The following LRP1B variants were observed in gnomAD, a reference collection of about 807,000 sequenced individuals.
LRP1B encodes the protein LDL receptor related protein 1B, also known as low-density lipoprotein receptor-related protein 1B.
In LRP1B, 217 loss-of-function variants were observed where a neutral mutation model predicts 556.6. The observed-to-expected ratio is 0.39, with a 90% confidence interval of 0.35 to 0.44. The LOEUF (loss-of-function observed/expected upper bound fraction) is 0.44, where lower values mean the gene tolerates loss of function less well. Among genes scored for constraint, LRP1B ranks in the 20% least tolerant of loss-of-function variants. The pLI is 1.00. For missense variants in LRP1B, 5,053 were observed against 5,620.8 expected (o/e 0.90, Z 3.23); for synonymous variants, 2,047 against 1,865.8 (o/e 1.10, Z -2.50).
At chr2:141,468,336 C>G (rs1216194369) in intron 3 of LRP1B, among the ~76,000 whole-genome samples, 1 of 152,064 alleles carries the variant, frequency 6.6e-6, no homozygotes, top group Non-Finnish European at 1.5e-5. Context: ...AAAATGGGAA[C>G]AAATGAAACA....
rs1163213986 is a variant in LRP1B at position 141,467,852 on chromosome 2, A to AGGGGT, written c.343+12543_343+12544insACCCC. ...TTGTTTGCGGACCGGGGGGGGGGGAATTCCAGCATACAGTGTAGCACATAC... is the reference window on the plus strand; with the variant it reads ...TTGTTTGCGGACCGGGGGGGGGGGAAGGGGTTTCCAGCATACAGTGTAGCACATAC... On this transcript the variant is annotated intron_variant, in intron 3 of 90. Transcript: ENST00000389484. Among the ~76,000 whole-genome samples, 55 of 133,306 alleles carry AGGGGT rather than the reference A, an allele frequency of 4.1e-4. 1 individual carries two copies. The highest frequency in any genetic ancestry group is 2.6e-3 in the South Asian group (8 of 3,036). 87.5% of individuals were successfully genotyped at this position (133,306 alleles called of 152,430 possible).
chr2:140,670,321 A>C (rs1685433224), intron 41 of LRP1B, among the ~76,000 whole-genome samples: 1 of 152,192 alleles, frequency 6.6e-6, no homozygotes, highest in Admixed American at 6.5e-5. Flanking sequence ...AAAGTTGGAA[A>C]AGATATTGAC....
chr2:141,471,574 T>C (rs146339340), intron 3 of LRP1B, among the ~76,000 whole-genome samples: 1,842 of 152,270 alleles, frequency 0.012, 19 homozygotes, highest in Non-Finnish European at 0.02. Flanking sequence ...GTGAGATGCC[T>C]GTCAACCATC....
At chr2:140,314,864 T>G in intron 83 of LRP1B, 71 bp downstream of exon 83, 1 of 1,099,542 alleles carries the variant, frequency 9.1e-7, no homozygotes. Context: ...ATTTGTAACA[T>G]TAAGCATTTT....
chr2:141,980,299 C>T (rs919939007), intron 1 of LRP1B, among the ~76,000 whole-genome samples: 4 of 152,010 alleles, frequency 2.6e-5, no homozygotes, highest in Non-Finnish European at 5.9e-5. Context: ...TGATAGAGGG[C>T]CACCAACCTT....
chr2:141,607,528 G>T (rs10196829), intron 2 of LRP1B, among the ~76,000 whole-genome samples: 4,345 of 152,230 alleles, frequency 0.029, 96 homozygotes, highest in South Asian at 0.068. Context: ...TTCACTGTAA[G>T]TTGGCTCTCC....
intron 2 of LRP1B, among the ~76,000 whole-genome samples, chr2:141,527,142 T>C (rs1036800981): frequency 2.0e-5 from 3 of 152,120 alleles, no homozygotes; most frequent in African/African-American, 7.2e-5. Context: ...ATTATTTTAT[T>C]TAGTTTTTAG....
At chr2:141,829,106 T>A (rs1697027361) in intron 1 of LRP1B, among the ~76,000 whole-genome samples, 1 of 152,086 alleles carries the variant, frequency 6.6e-6, no homozygotes, top group East Asian at 1.9e-4. Flanking sequence ...GTTAGCTATT[T>A]ATATTATTAC....
intron 2 of LRP1B, among the ~76,000 whole-genome samples, chr2:141,623,206 C>T (rs1365240843): frequency 6.6e-6 from 1 of 152,172 alleles, no homozygotes; most frequent in African/African-American, 2.4e-5. Context: ...AGAAAACATT[C>T]ATGTTAACTC....
At chr2:142,012,930 G>T (rs1703000826) in intron 1 of LRP1B, among the ~76,000 whole-genome samples, 1 of 152,200 alleles carries the variant, frequency 6.6e-6, no homozygotes, top group African/African-American at 2.4e-5. Context: ...TAAGTTTGGG[G>T]AGTATTATAT....
At chr2:141,380,862 G>T (rs1689614107) in intron 3 of LRP1B, among the ~76,000 whole-genome samples, 1 of 152,112 alleles carries the variant, frequency 6.6e-6, no homozygotes, top group African/African-American at 2.4e-5. Flanking sequence ...AAGTAAGATT[G>T]CAGATGGTGG....
At chr2:141,679,754 C>T (rs1691037852) in intron 2 of LRP1B, among the ~76,000 whole-genome samples, 1 of 151,852 alleles carries the variant, frequency 6.6e-6, no homozygotes, top group African/African-American at 2.4e-5. Context: ...CTAATGGTAA[C>T]ATAAGCAAAG....
Position 140,715,961 on chromosome 2 carries a change from T to C in LRP1B, c.6023+12A>G. ...ATAAAACTTGGAAGATATACGTAAA[T>C]CTTAAAATTACCCTTTCTCTGGGTG... On this transcript the variant is annotated intron_variant, in intron 37 of 90. Coordinates refer to ENST00000389484, the MANE Select transcript of LRP1B (RefSeq NM_018557.3). 6.4e-7 allele frequency: 1 copy of C among 1,559,338 alleles called. No individual in the cohort carries two copies. The highest frequency in any genetic ancestry group is 8.7e-7 in the Non-Finnish European group (1 of 1,151,476).
chr2:141,423,372 A>C (rs1164552416), intron 3 of LRP1B, among the ~76,000 whole-genome samples: 2 of 150,842 alleles, frequency 1.3e-5, no homozygotes, highest in African/African-American at 2.4e-5. Context: ...TTAACTGGCA[A>C]CAATAATAAT....
At chr2:140,749,289 C>T (rs1279102880) in intron 35 of LRP1B, among the ~76,000 whole-genome samples, 1 of 152,074 alleles carries the variant, frequency 6.6e-6, no homozygotes, top group African/African-American at 2.4e-5. Flanking sequence ...ACTTAGGCTA[C>T]ACTAAATTTA....
At chr2:140,784,375 T>TA (rs1559117163) in intron 32 of LRP1B, among the ~76,000 whole-genome samples, 56 of 49,736 alleles carry the variant, frequency 1.1e-3, no homozygotes, top group East Asian at 5.4e-3. Context: ...GGATTCTGCC[T>TA]CCACACACAC....
intron 86 of LRP1B, among the ~76,000 whole-genome samples, chr2:140,264,143 C>T (rs923349065): frequency 6.7e-6 from 1 of 148,952 alleles, no homozygotes; most frequent in Non-Finnish European, 1.5e-5. Context: ...ATACTTCCCT[C>T]TCTGTTCTTA....
chr2:140,661,714 A>AT (rs755183302), intron 41 of LRP1B, among the ~76,000 whole-genome samples: 12 of 152,250 alleles, frequency 7.9e-5, no homozygotes, highest in Admixed American at 3.3e-4. Flanking sequence ...TGAGTGAGCA[A>AT]TGTAGACAGT....
intron 2 of LRP1B, among the ~76,000 whole-genome samples, chr2:141,527,046 A>G (rs1684714122): frequency 6.6e-6 from 1 of 152,108 alleles, no homozygotes; most frequent in East Asian, 1.9e-4. Flanking sequence ...TCAAGTGACC[A>G]TTCAAAACTG....
Sources: gnomAD v4.1 joint callset for allele counts (sites outside exome capture counted in the v4.1 genomes callset) on GRCh38, gnomAD v4.1.1 for gene constraint, MANE v1.5 for transcripts, NCBI Gene and HGNC (gene_info 2026-07-23, HGNC 2026-07-21) for gene names.